Variants in CHRM3 observed in about 807,000 individuals in gnomAD.
The protein encoded by CHRM3 is cholinergic receptor muscarinic 3, also known as muscarinic acetylcholine receptor M3.
In CHRM3, 11 loss-of-function variants were observed where a neutral mutation model predicts 41.8. The ratio of observed to expected loss-of-function variants is 0.26; its 90% CI spans 0.17 to 0.44. The LOEUF (loss-of-function observed/expected upper bound fraction) is 0.44. Among genes scored for constraint, CHRM3 ranks in the 20% least tolerant of loss-of-function variants. The pLI is 1.00. For synonymous variants in CHRM3, 297 were observed against 301.4 expected (o/e 0.99, Z 0.15); for missense variants, 571 against 745.4 (o/e 0.77, Z 2.72).
At chr1:239,815,764 T>C (rs1311297549) in intron 5 of CHRM3, among the ~76,000 whole-genome samples, 1 of 152,152 alleles carries the variant, frequency 6.6e-6, no homozygotes, top group Admixed American at 6.5e-5. Context: ...GGCGTTCTCA[T>C]ATTGGGACCT....
At chr1:239,568,053 C>G (rs1027979118) in intron 3 of CHRM3, among the ~76,000 whole-genome samples, 2 of 152,180 alleles carry the variant, frequency 1.3e-5, no homozygotes, top group Non-Finnish European at 2.9e-5. Context: ...CTCACAGCAA[C>G]TGAGGGAGGT....
At chr1:239,545,060 A>C (rs1268190882) in intron 2 of CHRM3, among the ~76,000 whole-genome samples, 1 of 152,152 alleles carries the variant, frequency 6.6e-6, no homozygotes, top group Non-Finnish European at 1.5e-5. Context: ...GGTAATGATC[A>C]AAACATAGGC....
At chr1:239,885,261 G>A (rs1004435655) in intron 6 of CHRM3, among the ~76,000 whole-genome samples, 4 of 152,096 alleles carry the variant, frequency 2.6e-5, no homozygotes, top group Non-Finnish European at 5.9e-5. Context: ...AAACTTTAGC[G>A]TGCATCTGAA....
At chr1:239,817,331 A>G (rs566964557) in intron 5 of CHRM3, among the ~76,000 whole-genome samples, 1 of 152,244 alleles carries the variant, frequency 6.6e-6, no homozygotes, top group Non-Finnish European at 1.5e-5. Flanking sequence ...CCTTCCATCT[A>G]TGTAACCTTG....
intron 2 of CHRM3, among the ~76,000 whole-genome samples, chr1:239,497,806 G>A (rs1013198848): frequency 6.6e-6 from 1 of 152,184 alleles, no homozygotes; most frequent in Non-Finnish European, 1.5e-5. Flanking sequence ...AGACAGTACA[G>A]GCAGCAACAA....
chr1:239,710,153 C>T (rs2148204634), intron 5 of CHRM3, among the ~76,000 whole-genome samples: 1 of 152,168 alleles, frequency 6.6e-6, no homozygotes, highest in East Asian at 1.9e-4. Flanking sequence ...CAATTAAAAA[C>T]AAATAACAGT....
intron 5 of CHRM3, among the ~76,000 whole-genome samples, chr1:239,811,214 G>A (rs149701790): frequency 4.6e-5 from 7 of 152,292 alleles, no homozygotes; most frequent in Admixed American, 1.3e-4. Context: ...AGGTTCATGC[G>A]TTTTGTGTTT....
chr1:239,853,491 A>G (rs1010589362), intron 6 of CHRM3, among the ~76,000 whole-genome samples: 1 of 151,930 alleles, frequency 6.6e-6, no homozygotes, highest in Non-Finnish European at 1.5e-5. Flanking sequence ...AAATGAAAAT[A>G]TTATTTTTTC....
chr1:239,819,220 C>G lies in CHRM3; in HGVS notation c.-146-8032C>G, dbSNP rs113343283. On this transcript the variant is annotated intron_variant, in intron 5 of 6. Coordinates refer to ENST00000676153, the MANE Select transcript of CHRM3 (RefSeq NM_001375978.1). ...TGCTCTCCTTCCAGTCGATGTCACCCCAAATAAACGAGGCTAGTAGGCACA... is the reference window on the plus strand; with the variant it reads ...TGCTCTCCTTCCAGTCGATGTCACCGCAAATAAACGAGGCTAGTAGGCACA... Among the ~76,000 whole-genome samples, 422 of 152,290 alleles carry G rather than the reference C, an allele frequency of 2.8e-3. 3 individuals carry two copies. Among genetic ancestry groups the G allele is most frequent in the African/African-American group, 9.9e-3 (412 of 41,544 alleles).
At chr1:239,604,323 A>T (rs1361867008) in intron 3 of CHRM3, among the ~76,000 whole-genome samples, 1 of 152,128 alleles carries the variant, frequency 6.6e-6, no homozygotes, top group East Asian at 1.9e-4. Context: ...CTGAAAAAAA[A>T]AAAGCTCTCT....
chr1:239,589,442 T>C lies in CHRM3; in HGVS notation c.-312-42782T>C, dbSNP rs531615283. 2.4e-4 allele frequency among the ~76,000 whole-genome samples: 36 copies of C among 151,384 alleles called. No individual in the cohort carries two copies. In the South Asian group the frequency reaches 7.1e-3, roughly 30 times the overall value. On this transcript the variant is annotated intron_variant, in intron 3 of 6. Transcript: ENST00000676153. ...CATGAAAAAATCACATATTAGTGCA[T>C]GGAAATTACATAAAACTATGTGTAT...
chr1:239,556,116 C>T (rs547571460), intron 3 of CHRM3, among the ~76,000 whole-genome samples: 114 of 152,254 alleles, frequency 7.5e-4, no homozygotes, highest in Non-Finnish European at 1.9e-4. Context: ...ACATTAACTA[C>T]GCATGTACCT....
intron 3 of CHRM3, among the ~76,000 whole-genome samples, chr1:239,547,462 ATT>A (rs1227486594): frequency 6.6e-6 from 1 of 152,186 alleles, no homozygotes; most frequent in Non-Finnish European, 1.5e-5. Flanking sequence ...GGAGTGTGGG[ATT>A]ATCCTGATGA....
At chr1:239,843,497 G>A (rs1218542492) in intron 6 of CHRM3, among the ~76,000 whole-genome samples, 1 of 59,008 alleles carries the variant, frequency 1.7e-5, no homozygotes, top group African/African-American at 6.9e-5. Flanking sequence ...CTTATCATTT[G>A]CTTTAATATA....
chr1:239,675,106 C>T (rs550861567), intron 4 of CHRM3, among the ~76,000 whole-genome samples: 5 of 152,102 alleles, frequency 3.3e-5, no homozygotes, highest in South Asian at 2.1e-4. Context: ...TCTCTAGAAA[C>T]CTGATCTCTC....
chr1:239,685,559 A>G (rs897877223), intron 5 of CHRM3, among the ~76,000 whole-genome samples: 1 of 152,132 alleles, frequency 6.6e-6, no homozygotes, highest in African/African-American at 2.4e-5. Context: ...GCAGTGGCTC[A>G]CATCTGTAAT....
intron 5 of CHRM3, among the ~76,000 whole-genome samples, chr1:239,694,751 A>G (rs1301585449): frequency 6.6e-6 from 1 of 152,220 alleles, no homozygotes; most frequent in African/African-American, 2.4e-5. Context: ...AAGATAAACA[A>G]TATCCTAAAA....
intron 5 of CHRM3, among the ~76,000 whole-genome samples, chr1:239,689,771 G>A (rs762760695): frequency 1.2e-4 from 18 of 152,160 alleles, no homozygotes; most frequent in Admixed American, 8.5e-4. Context: ...GGTAGAGGAA[G>A]GTGTAAAGTA....
At chr1:239,435,569 T>C (rs12134003) in intron 1 of CHRM3, among the ~76,000 whole-genome samples, 49,567 of 151,892 alleles carry the variant, frequency 0.33, 8,450 homozygotes, top group African/African-American at 0.43. Flanking sequence ...TGCCTGGGCT[T>C]GCAGTTTTGC....
Sources: gnomAD v4.1 joint callset for allele counts (sites outside exome capture counted in the v4.1 genomes callset) on GRCh38, gnomAD v4.1.1 for gene constraint, MANE v1.5 for transcripts, NCBI Gene and HGNC (gene_info 2026-07-23, HGNC 2026-07-21) for gene names.